SHANK2: variants seen among roughly 807,000 people sequenced by gnomAD.
SHANK2 encodes the protein SH3 and multiple ankyrin repeat domains 2, also known as SH3 and multiple ankyrin repeat domains protein 2.
In SHANK2, 43 loss-of-function variants were observed where a neutral mutation model predicts 133.7. That is an observed-to-expected ratio of 0.32 (90% confidence interval 0.25 to 0.41). The LOEUF (loss-of-function observed/expected upper bound fraction) is 0.41, where lower values mean the gene tolerates loss of function less well. SHANK2 is among the 10% of genes least tolerant of loss of function. The pLI is 1.00. For missense variants in SHANK2, 1,994 were observed against 2,235.8 expected (o/e 0.89, Z 2.18); for synonymous variants, 1,017 against 952.8 (o/e 1.07, Z -1.24).
At chr11:70,704,551 G>C (rs1243228633) in intron 14 of SHANK2, among the ~76,000 whole-genome samples, 1 of 152,210 alleles carries the variant, frequency 6.6e-6, no homozygotes. Context: ...GCCCACTTAA[G>C]GACAGGTGGC....
At chr11:70,721,151 A>G (rs930224932) in intron 14 of SHANK2, among the ~76,000 whole-genome samples, 2 of 152,192 alleles carry the variant, frequency 1.3e-5, no homozygotes, top group Non-Finnish European at 2.9e-5. Flanking sequence ...ACCGACGTCT[A>G]GGGAGACAAA....
At chr11:71,164,482 C>T (rs1266601730) in intron 2 of SHANK2, among the ~76,000 whole-genome samples, 2 of 152,116 alleles carry the variant, frequency 1.3e-5, no homozygotes, top group East Asian at 1.9e-4. Context: ...AGGGGCTGAC[C>T]GCAGGGTGAC....
chr11:70,473,315 A>T lies in SHANK2; in HGVS notation c.5104T>A (p.Ser1702Thr), dbSNP rs781960805. The change falls in exon 26 of 26, where the codon TCA (serine) becomes ACA (threonine). Residue 1702 changes from serine to threonine, a missense_variant. This residue lies in a region of SHANK2 where 797 missense variants were observed against 907.4 expected (regional missense o/e 0.88). Coordinates refer to ENST00000601538, the MANE Select transcript of SHANK2 (RefSeq NM_012309.5). This position sits in a 1 kb window ranked among gnomAD's most constrained non-coding sequence, Gnocchi z 5.9. Reference sequence around the variant, plus strand: ...GGGCTTGGGGCACGTCTTGTTCCTGAGGTCCTGCTTTCATAGTCGGGGGGC... The same window carrying T: ...GGGCTTGGGGCACGTCTTGTTCCTGTGGTCCTGCTTTCATAGTCGGGGGGC... ...SRPPDYESRT[S>T]GTRRAPSPVV... The T allele has an allele frequency of 9.3e-6, 15 of 1,613,726 alleles. No homozygotes were observed. Among genetic ancestry groups the T allele is most frequent in the African/African-American group, 6.7e-5 (5 of 74,860 alleles).
chr11:71,241,932 C>A (rs576115540), intron 1 of SHANK2, among the ~76,000 whole-genome samples: 1 of 152,204 alleles, frequency 6.6e-6, no homozygotes, highest in African/African-American at 2.4e-5. Flanking sequence ...AAGATACTTG[C>A]ACAACCATGT....
chr11:70,664,738 C>T (rs1944647905), intron 15 of SHANK2, among the ~76,000 whole-genome samples: 2 of 152,228 alleles, frequency 1.3e-5, no homozygotes, highest in Non-Finnish European at 2.9e-5. Context: ...GGGGGCTGCC[C>T]AGACACTTGC....
At position 70,746,143 on chromosome 11, in the gene SHANK2, C is replaced by T. The variant is rs115343442; in HGVS notation, c.1778-47380G>A. Among the ~76,000 whole-genome samples the T allele has an allele frequency of 5.4e-3, 825 of 152,350 alleles. 9 individuals are homozygous for T. Among genetic ancestry groups the T allele is most frequent in the African/African-American group, 0.019 (779 of 41,584 alleles). ...CCACGCTTCAAAGGTGACTCTGACACGGTCCAGGAGGCTGTGAACTCACCC... is the reference window on the plus strand; with the variant it reads ...CCACGCTTCAAAGGTGACTCTGACATGGTCCAGGAGGCTGTGAACTCACCC... On this transcript the variant is annotated intron_variant, in intron 14 of 25. Transcript: ENST00000601538.
At chr11:70,797,907 T>C (rs1321561510) in intron 14 of SHANK2, among the ~76,000 whole-genome samples, 5 of 151,616 alleles carry the variant, frequency 3.3e-5, no homozygotes, top group Admixed American at 2.0e-4. Context: ...CCTCTTCACA[T>C]TTTAATCAGT....
chr11:70,601,149 T>A (rs1480073568), intron 17 of SHANK2, among the ~76,000 whole-genome samples: 4 of 152,160 alleles, frequency 2.6e-5, no homozygotes, highest in Non-Finnish European at 5.9e-5. Context: ...CCTCCTGGGT[T>A]TAAGCGATTC....
intron 2 of SHANK2, chr11:71,174,736 T>G (rs530027259): frequency 6.6e-6 from 1 of 150,966 alleles, no homozygotes; most frequent in South Asian, 2.1e-4. Context: ...TGCCTGTGGT[T>G]CCAGCTATTG....
At chr11:70,799,297 G>A (rs782467496) in intron 13 of SHANK2, among the ~76,000 whole-genome samples, 26 of 152,250 alleles carry the variant, frequency 1.7e-4, no homozygotes, top group Middle Eastern at 3.4e-3. Flanking sequence ...ACTCGCTCAG[G>A]AGGCTGAGGC....
At chr11:70,723,757 A>G (rs1286131893) in intron 14 of SHANK2, among the ~76,000 whole-genome samples, 3 of 152,284 alleles carry the variant, frequency 2.0e-5, no homozygotes, top group East Asian at 1.9e-4. Flanking sequence ...AAAATACTCT[A>G]TGGGTGAAAC....
intron 11 of SHANK2, among the ~76,000 whole-genome samples, chr11:70,873,819 T>C (rs1409586825): frequency 6.6e-6 from 1 of 151,960 alleles, no homozygotes; most frequent in Non-Finnish European, 1.5e-5. Flanking sequence ...TACCAAACAG[T>C]GATGCCAGTG....
chr11:70,737,518 T>C (rs1378218120), intron 14 of SHANK2, among the ~76,000 whole-genome samples: 4 of 152,196 alleles, frequency 2.6e-5, no homozygotes, highest in African/African-American at 9.7e-5. Flanking sequence ...CAGCCCTGCA[T>C]GCATCTCGCT....
intron 17 of SHANK2, among the ~76,000 whole-genome samples, chr11:70,570,184 G>A (rs1397888411): frequency 6.6e-6 from 1 of 152,212 alleles, no homozygotes; most frequent in African/African-American, 2.4e-5. Context: ...CCTGGAGAAA[G>A]TAGGTTTGGC....
At chr11:71,156,924 A>G (rs1254837386) in intron 2 of SHANK2, among the ~76,000 whole-genome samples, 1 of 152,194 alleles carries the variant, frequency 6.6e-6, no homozygotes, top group Non-Finnish European at 1.5e-5. Context: ...AAAGCCAATC[A>G]CATACCTACA....
intron 10 of SHANK2, among the ~76,000 whole-genome samples, chr11:70,919,035 G>A (rs113757544): frequency 2.0e-4 from 31 of 152,052 alleles, no homozygotes; most frequent in African/African-American, 6.7e-4. Flanking sequence ...GTGGTGGTAC[G>A]CACCTGTGGT....
intron 11 of SHANK2, among the ~76,000 whole-genome samples, chr11:70,837,315 T>C (rs1948834381): frequency 6.6e-6 from 1 of 152,084 alleles, no homozygotes; most frequent in Non-Finnish European, 1.5e-5. Context: ...ACACGGGCCC[T>C]GTCAGCTCCC....
At chr11:70,846,856 C>T (rs993513089) in intron 11 of SHANK2, among the ~76,000 whole-genome samples, 5 of 152,148 alleles carry the variant, frequency 3.3e-5, no homozygotes, top group East Asian at 1.9e-4. Context: ...TGAGCATGAA[C>T]GAGGTCATCC....
At position 70,879,354 on chromosome 11, in the gene SHANK2, G is replaced by C. The variant is rs1325552769; in HGVS notation, c.1174+17147C>G. On this transcript the variant is annotated intron_variant, in intron 11 of 25. Coordinates refer to ENST00000601538, the MANE Select transcript of SHANK2 (RefSeq NM_012309.5). ...ATTCTACCCAGCATATTCTTATGAG[G>C]CTCCGATATTTGAAATCCCAAAAGG... Among the ~76,000 whole-genome samples the C allele has an allele frequency of 3.3e-5, 5 of 152,270 alleles. No individual in the cohort carries two copies. The East Asian group carries it at 9.7e-4, about 29-fold the overall frequency.
Sources: gnomAD v4.1 joint callset for allele counts (sites outside exome capture counted in the v4.1 genomes callset) on GRCh38, gnomAD v4.1.1 for gene constraint, gnomAD v4.1.1 regional missense constraint, Gnocchi (gnomAD v3.1) non-coding constraint, MANE v1.5 for transcripts, NCBI Gene and HGNC (gene_info 2026-07-23, HGNC 2026-07-21) for gene names.